ADAMTS18: variants seen among roughly 807,000 people sequenced by gnomAD.
ADAMTS18 encodes the protein A disintegrin and metalloproteinase with thrombospondin motifs 18.
A neutral mutation model predicts 165.9 loss-of-function variants in ADAMTS18; 157 were observed. The ratio of observed to expected loss-of-function variants is 0.95; its 90% confidence interval spans 0.83 to 1.08. The LOEUF (loss-of-function observed/expected upper bound fraction) is 1.08. Ranked by LOEUF, ADAMTS18 falls within the 50% of genes least tolerant of loss-of-function variation. The pLI, the probability that ADAMTS18 is intolerant of heterozygous loss-of-function variation, is 0.00. For missense variants in ADAMTS18, 2,040 were observed against 1,534.0 expected, an observed-to-expected ratio of 1.33 and a Z score of -5.51; for synonymous variants, 782 against 578.2, an observed-to-expected ratio of 1.35 and a Z score of -5.06.
In ADAMTS18 at chr16:77,434,697, G is replaced by A; in HGVS notation, c.-2C>T. On this transcript the variant is annotated 5_prime_UTR_variant, in exon 1 of 23. Transcript: ENST00000282849. ...CGCGAGCAGGAGGGCGCACTCCATG[G>A]TCAGGTGCGGACGCGGCGGCTGCGG... is the stretch of plus-strand genomic sequence containing the variant. The A allele has an allele frequency of 6.9e-7, 1 of 1,458,592 alleles. No homozygotes were observed. Among genetic ancestry groups the A allele is most frequent in the Non-Finnish European group, 9.0e-7 (1 of 1,109,834 alleles). 90.4% of individuals were successfully genotyped at this position (1,458,592 alleles called of 1,614,324 possible).
At chr16:77,298,940 G>T (rs1245694882) in intron 17 of ADAMTS18, among the ~76,000 whole-genome samples, 1 of 152,258 alleles carries the variant, frequency 6.6e-6, no homozygotes, top group Non-Finnish European at 1.5e-5. Flanking sequence ...GGCAGGGCAA[G>T]GCGAGAATTT....
chr16:77,315,925 A>T (rs1027327633), intron 16 of ADAMTS18, among the ~76,000 whole-genome samples: 3 of 152,198 alleles, frequency 2.0e-5, no homozygotes, highest in Non-Finnish European at 4.4e-5. Flanking sequence ...TATGGTGGCT[A>T]AAATGGAATT....
intron 16 of ADAMTS18, among the ~76,000 whole-genome samples, chr16:77,313,229 G>T (rs139085198): frequency 0.1 from 15,548 of 151,986 alleles, 1,061 homozygotes; most frequent in East Asian, 0.27. Context: ...TCACTCATAG[G>T]TGGGAATTGA....
intron 3 of ADAMTS18, among the ~76,000 whole-genome samples, chr16:77,416,115 G>A (rs943020171): frequency 1.3e-5 from 2 of 152,132 alleles, no homozygotes; most frequent in African/African-American, 4.8e-5. Context: ...GGGGAGTGAT[G>A]GGAGTGTCAG....
At chr16:77,288,735 T>C (rs1321946801) in intron 22 of ADAMTS18, among the ~76,000 whole-genome samples, 2 of 152,202 alleles carry the variant, frequency 1.3e-5, no homozygotes, top group African/African-American at 2.4e-5. Flanking sequence ...GTTGTTCACC[T>C]TTATGTTCCC....
intron 8 of ADAMTS18, among the ~76,000 whole-genome samples, chr16:77,356,679 A>C (rs1394932424): frequency 6.6e-6 from 1 of 152,176 alleles, no homozygotes; most frequent in Non-Finnish European, 1.5e-5. Flanking sequence ...AATCTTGACC[A>C]TTACTGTTAT....
intron 16 of ADAMTS18, among the ~76,000 whole-genome samples, chr16:77,314,340 G>T (rs369667935): frequency 3.9e-5 from 6 of 152,016 alleles, no homozygotes; most frequent in African/African-American, 1.4e-4. Context: ...GCTGGGCGTG[G>T]TGCACACCAG....
chr16:77,403,425 G>C (rs2144814011), intron 3 of ADAMTS18, among the ~76,000 whole-genome samples: 1 of 152,258 alleles, frequency 6.6e-6, no homozygotes, highest in East Asian at 1.9e-4. Flanking sequence ...TTGAACTCAA[G>C]ATTATCTATC....
At chr16:77,350,578 G>A (rs771479273) in intron 10 of ADAMTS18, among the ~76,000 whole-genome samples, 9 of 152,114 alleles carry the variant, frequency 5.9e-5, no homozygotes, top group Admixed American at 1.3e-4. Context: ...AGGAAATCTC[G>A]GAACAAAATT....
chr16:77,367,065 T>C (rs7197341), intron 4 of ADAMTS18, among the ~76,000 whole-genome samples: 37,706 of 152,044 alleles, frequency 0.25, 5,375 homozygotes, highest in East Asian at 0.58. Flanking sequence ...GCTAATGTTC[T>C]TGTTTCTGGA....
intron 3 of ADAMTS18, chr16:77,378,967 A>C (rs2056992961): frequency 6.6e-6 from 1 of 152,210 alleles, no homozygotes; most frequent in African/African-American, 2.4e-5. Context: ...AGAACTAAGC[A>C]AGGTTTGAAG....
chr16:77,283,339 CAG>C lies in ADAMTS18; in HGVS notation c.*615_*616del, dbSNP rs1275155383. Reference sequence around the variant, plus strand: ...CTTTTCAAGTTGTCAATTTTAGTCTCAGAGACTCTCTATAAGCAGAATATAGT... The same window carrying C: ...CTTTTCAAGTTGTCAATTTTAGTCTCAGACTCTCTATAAGCAGAATATAGT... On this transcript the variant is annotated 3_prime_UTR_variant, in exon 23 of 23. Coordinates refer to ENST00000282849, the MANE Select transcript of ADAMTS18 (RefSeq NM_199355.4). 1 of 152,878 alleles carries C rather than the reference CAG, an allele frequency of 6.5e-6. No homozygotes were observed. Among genetic ancestry groups the C allele is most frequent in the Non-Finnish European group, 1.5e-5 (1 of 68,314 alleles). The allele number at this position is 152,878 out of a possible 1,614,324, so 9.5% of individuals were successfully genotyped here.
At chr16:77,392,769 C>T (rs1373681255) in intron 3 of ADAMTS18, among the ~76,000 whole-genome samples, 2 of 152,092 alleles carry the variant, frequency 1.3e-5, no homozygotes, top group Non-Finnish European at 2.9e-5. Flanking sequence ...GATGGCAGAT[C>T]TCTGTGCAAA....
intron 3 of ADAMTS18, among the ~76,000 whole-genome samples, chr16:77,410,203 G>A (rs540807236): frequency 1.3e-5 from 2 of 149,970 alleles, no homozygotes; most frequent in Non-Finnish European, 1.5e-5. Context: ...TCTATTTTAT[G>A]TTACTCTATG....
At chr16:77,299,274 A>G (rs2055535045) in intron 17 of ADAMTS18, among the ~76,000 whole-genome samples, 1 of 152,198 alleles carries the variant, frequency 6.6e-6, no homozygotes, top group South Asian at 2.1e-4. Context: ...AACATTGGCT[A>G]TTGCCTGTTT....
chr16:77,373,194 G>A (rs2056900863), intron 3 of ADAMTS18, among the ~76,000 whole-genome samples: 1 of 151,978 alleles, frequency 6.6e-6, no homozygotes, highest in Non-Finnish European at 1.5e-5. Context: ...CGACCCTATT[G>A]AAAATTATCC....
At chr16:77,340,654 C>T (rs2056384394) in intron 11 of ADAMTS18, among the ~76,000 whole-genome samples, 1 of 152,090 alleles carries the variant, frequency 6.6e-6, no homozygotes, top group African/African-American at 2.4e-5. Context: ...AATCACAGCA[C>T]ACTACAGCCT....
At chr16:77,297,239 A>G (rs1391125735) in intron 18 of ADAMTS18, 50 bp downstream of exon 18, 1 of 1,609,956 alleles carries the variant, frequency 6.2e-7, no homozygotes, top group South Asian at 1.1e-5. Flanking sequence ...AACAACAATG[A>G]AGGCATACAA....
chr16:77,364,230 G>C lies in ADAMTS18; in HGVS notation c.930C>G (p.Gly310=). ...VADKKMVEKH[G]KGNVTTYILT... ...GAATGTATGTGGTGACATTTCCCTT[G>C]CCATGCTTTTCCACCATTTTCTTGT... Residue 310 remains glycine, a synonymous_variant, in exon 5 of 23, where the codon GGC becomes GGG. Coordinates refer to ENST00000282849, the MANE Select transcript of ADAMTS18 (RefSeq NM_199355.4). The C allele has an allele frequency of 6.2e-7, 1 of 1,613,960 alleles. No homozygotes were observed. The highest frequency in any genetic ancestry group is 1.3e-5 in the African/African-American group (1 of 74,984).
Sources: allele counts gnomAD v4.1 joint callset (sites outside exome capture counted in the v4.1 genomes callset), GRCh38; gene constraint gnomAD v4.1.1; transcripts MANE v1.5; gene names NCBI Gene and HGNC (gene_info 2026-07-23, HGNC 2026-07-21).